TOMM7: variants seen among roughly 807,000 people sequenced by gnomAD.
The protein encoded by TOMM7 is translocase of outer mitochondrial membrane 7, also known as mitochondrial import receptor subunit TOM7 homolog.
A neutral mutation model predicts 9.5 loss-of-function variants in TOMM7; 8 were observed. The observed-to-expected ratio is 0.84, with a 90% CI of 0.49 to 1.51. The LOEUF (loss-of-function observed/expected upper bound fraction) is 1.51. TOMM7 is among the 40% of genes most tolerant of loss of function. TOMM7 has a pLI of 0.00. For synonymous variants in TOMM7, 27 were observed against 21.4 expected (o/e 1.26, Z -0.72); for missense variants, 74 against 63.7 (o/e 1.16, Z -0.55).
chr7:22,813,577 C>T (rs1782276853), intron 2 of TOMM7, among the ~76,000 whole-genome samples: 1 of 152,002 alleles, frequency 6.6e-6, no homozygotes, highest in Non-Finnish European at 1.5e-5. Flanking sequence ...GCATTAGACA[C>T]TGAGGAAAGT....
chr7:22,818,447 T>G (rs6461669), intron 1 of TOMM7: 63,652 of 157,946 alleles, frequency 0.4, 14,381 homozygotes, highest in East Asian at 0.63. Context: ...CCAGCTAAAT[T>G]TTTTTGTATT....
intron 1 of TOMM7, among the ~76,000 whole-genome samples, chr7:22,821,007 T>C (rs368631056): frequency 1.4e-4 from 21 of 152,254 alleles, no homozygotes; most frequent in East Asian, 5.8e-4. Context: ...TTTTAAAATG[T>C]GAAACTGAGT....
intron 1 of TOMM7, chr7:22,822,312 C>A (rs193245950): frequency 1.3e-6 from 2 of 1,524,406 alleles, no homozygotes; most frequent in South Asian, 2.5e-5. Flanking sequence ...CCACTTAGGA[C>A]CACATGGAGC....
intron 1 of TOMM7, among the ~76,000 whole-genome samples, chr7:22,819,193 G>A (rs1337811604): frequency 6.6e-6 from 1 of 151,808 alleles, no homozygotes; most frequent in African/African-American, 2.4e-5. Flanking sequence ...AAGTTAGGGA[G>A]GTTTCAAGAA....
At chr7:22,817,265 G>A (rs1294034731) in intron 2 of TOMM7, 1 of 153,326 alleles carries the variant, frequency 6.5e-6, no homozygotes, top group East Asian at 1.9e-4. Context: ...GTTTTCACAA[G>A]TGTTTACACA....
At chr7:22,813,516 C>T (rs2240726) in intron 2 of TOMM7, among the ~76,000 whole-genome samples, 67,332 of 151,864 alleles carry the variant, frequency 0.44, 16,913 homozygotes, top group African/African-American at 0.68. Flanking sequence ...TATCTCATTA[C>T]TAGATGCAGT....
intron 2 of TOMM7, among the ~76,000 whole-genome samples, chr7:22,815,032 G>A (rs1782299270): frequency 6.6e-6 from 1 of 152,156 alleles, no homozygotes. Flanking sequence ...TTCCGTAACT[G>A]AGTAACCCTT....
chr7:22,822,201 C>A (rs1170356215), intron 1 of TOMM7: 1 of 1,550,860 alleles, frequency 6.4e-7, no homozygotes, highest in South Asian at 1.2e-5. Context: ...CTTCATCGTA[C>A]AGGTAAGAAA....
At chr7:22,813,753 C>T (rs1019480098) in intron 2 of TOMM7, among the ~76,000 whole-genome samples, 5 of 151,128 alleles carry the variant, frequency 3.3e-5, no homozygotes, top group Admixed American at 3.3e-4. Context: ...ACTCTTACCC[C>T]AAACATTCCA....
chr7:22,816,442 G>A (rs1415820982), intron 2 of TOMM7, among the ~76,000 whole-genome samples: 4 of 152,150 alleles, frequency 2.6e-5, no homozygotes, highest in African/African-American at 9.7e-5. Flanking sequence ...TACCTCAATC[G>A]CTATTTTACA....
chr7:22,822,605 G>T, intron 1 of TOMM7, 72 bp downstream of exon 1: 2 of 1,370,976 alleles, frequency 1.5e-6, no homozygotes, highest in South Asian at 1.2e-5. Context: ...CTCCCCCGAC[G>T]GCCAAAAATG....
intron 1 of TOMM7, among the ~76,000 whole-genome samples, chr7:22,820,629 A>G (rs558226600): frequency 1.1e-4 from 17 of 152,300 alleles, no homozygotes; most frequent in Admixed American, 4.6e-4. Context: ...CACCTCTCTT[A>G]GCTAAAAGGG....
intron 2 of TOMM7, among the ~76,000 whole-genome samples, chr7:22,815,344 T>C (rs867694283): frequency 8.5e-5 from 13 of 152,118 alleles, no homozygotes; most frequent in South Asian, 6.2e-4. Flanking sequence ...TTTCCTAGCA[T>C]GCAGGTCCAG....
intron 2 of TOMM7, among the ~76,000 whole-genome samples, chr7:22,815,018 G>A (rs569629253): frequency 7.2e-4 from 110 of 152,294 alleles, no homozygotes; most frequent in Admixed American, 3.1e-3. Flanking sequence ...CACAGTACAT[G>A]AAATTCCGTA....
intron 2 of TOMM7, among the ~76,000 whole-genome samples, chr7:22,814,126 C>A (rs191537864): frequency 1.4e-5 from 2 of 146,184 alleles, no homozygotes; most frequent in African/African-American, 5.1e-5. Flanking sequence ...CCTGAGCCCA[C>A]GAGTTCGAAA....
chr7:22,820,574 C>T (rs901776302), intron 1 of TOMM7, among the ~76,000 whole-genome samples: 2 of 152,064 alleles, frequency 1.3e-5, no homozygotes, highest in Non-Finnish European at 2.9e-5. Context: ...CTCGTACACG[C>T]AGTGAAAAAA....
At chr7:22,822,019 A>C in intron 1 of TOMM7, 5 of 1,083,230 alleles carry the variant, frequency 4.6e-6, no homozygotes, top group Non-Finnish European at 6.3e-6. Flanking sequence ...AACCAAAAAA[A>C]CCCCAAATCC....
chr7:22,821,715 A>G (rs1782394039), intron 1 of TOMM7, among the ~76,000 whole-genome samples: 1 of 151,796 alleles, frequency 6.6e-6, no homozygotes, highest in African/African-American at 2.4e-5. Context: ...GCGCCACTAC[A>G]CTCCAGCCTG....
At chr7:22,818,961 C>G (rs1782351398) in intron 1 of TOMM7, among the ~76,000 whole-genome samples, 1 of 151,046 alleles carries the variant, frequency 6.6e-6, no homozygotes, top group Non-Finnish European at 1.5e-5. Flanking sequence ...ATTTTATCCC[C>G]CATAAACCTC....
Sources: allele counts gnomAD v4.1 joint callset (sites outside exome capture counted in the v4.1 genomes callset), GRCh38; gene constraint gnomAD v4.1.1; transcripts MANE v1.5; gene names NCBI Gene and HGNC (gene_info 2026-07-23, HGNC 2026-07-21).